SLC9A1: variants seen among roughly 807,000 people sequenced by gnomAD.
SLC9A1 encodes solute carrier family 9 member A1, also known as sodium/hydrogen exchanger 1.
Under a neutral mutation model 67.9 loss-of-function variants are expected in SLC9A1, and 22 were observed. The ratio of observed to expected loss-of-function variants is 0.32; its 90% CI spans 0.23 to 0.46. The LOEUF (loss-of-function observed/expected upper bound fraction) is 0.46, where lower values mean the gene tolerates loss of function less well. SLC9A1 is among the 20% of genes least tolerant of loss of function. The probability of loss-of-function intolerance (pLI) is 1.00; values close to 1 mark genes in which losing one functional copy is unlikely to be tolerated. For synonymous variants in SLC9A1, 421 were observed against 471.8 expected (o/e 0.89, Z 1.40); for missense variants, 686 against 1,094.8 (o/e 0.63, Z 5.27).
intron 3 of SLC9A1, 68 bp from the exon 4 acceptor site, chr1:27,107,933 A>AG: frequency 8.2e-7 from 1 of 1,221,222 alleles, no homozygotes; most frequent in Non-Finnish European, 1.2e-6. Flanking sequence ...CTCCACTGCC[A>AG]GGGGCAATGG....
At position 27,099,835 on chromosome 1, in the gene SLC9A1, C is replaced by T. The variant is rs2083126501; in HGVS notation, c.*472G>A. On this transcript the variant is annotated 3_prime_UTR_variant, in exon 12 of 12. Transcript: ENST00000263980. ...TGAGACCTTGGTGGGTCAGCAGTCC[C>T]TCCCCCAGCCATGTGCCTGGTACCC... 1 of 156,518 alleles carries T rather than the reference C, an allele frequency of 6.4e-6. No homozygotes were observed. Among genetic ancestry groups the T allele is most frequent in the East Asian group, 1.9e-4 (1 of 5,304 alleles). 9.7% of individuals were successfully genotyped at this position (156,518 alleles called of 1,614,324 possible).
intron 3 of SLC9A1, 62 bp from the exon 4 acceptor site, chr1:27,107,927 A>T: frequency 7.8e-7 from 1 of 1,282,064 alleles, no homozygotes; most frequent in African/African-American, 1.5e-5. Flanking sequence ...GAGCCCCTCC[A>T]CTGCCAGGGG....
Position 27,101,648 on chromosome 1 carries a change from T to C in SLC9A1, c.2037+77A>G, listed in dbSNP as rs2083145554. 1 of 1,038,810 alleles carries C rather than the reference T, an allele frequency of 9.6e-7. No homozygotes were observed. 64.3% of individuals were successfully genotyped at this position (1,038,810 alleles called of 1,614,324 possible). A position where few individuals can be genotyped will look rare whatever the true frequency, so the allele number is the denominator to read the frequency against. ...AGCCAAACCCTGTTCCTAGAATGGG[T>C]ACATTTCCTTAGAGGCTGTGGCGGA... is the stretch of plus-strand genomic sequence containing the variant. On this transcript the variant is annotated intron_variant, in intron 10 of 11. Coordinates refer to ENST00000263980, the MANE Select transcript of SLC9A1 (RefSeq NM_003047.5). This position sits in a 1 kb window ranked among gnomAD's most constrained non-coding sequence, Gnocchi z 4.9.
At position 27,106,719 on chromosome 1, in the gene SLC9A1, C is replaced by T. The variant is rs2083187291; in HGVS notation, c.1283-632G>A. Among the ~76,000 whole-genome samples, 1 of 152,012 alleles carries T rather than the reference C, an allele frequency of 6.6e-6. No homozygotes were observed. The highest frequency in any genetic ancestry group is 2.4e-5 in the African/African-American group (1 of 41,350). On this transcript the variant is annotated intron_variant, in intron 4 of 11. Coordinates refer to ENST00000263980, the MANE Select transcript of SLC9A1 (RefSeq NM_003047.5). The surrounding 1 kb of genome is among the most constrained non-coding windows in gnomAD (Gnocchi z 4.3). ...GAACCCATGCACCTGGGGCCTGGTC[C>T]CCACGTGTGCCCCGGCCTGCTGCAT...
chr1:27,106,036 G>A lies in SLC9A1; in HGVS notation c.1334C>T (p.Thr445Ile). 6.2e-7 allele frequency: 1 copy of A among 1,613,586 alleles called. No homozygotes were observed. The highest frequency in any genetic ancestry group is 2.2e-5 in the East Asian group (1 of 44,882). ...GGCGATGATGAACTGGTCCTTGGGG[G>A]TCAGCTTCACGATACGGAACTTGTT... ...FINKFRIVKL[T>I]PKDQFIIAYG... The change falls in exon 5 of 12, where the codon ACC becomes ATC. Residue 445 changes from threonine to isoleucine, a missense_variant. Thr to Ile is a moderately conservative substitution (Grantham distance 89). Around this residue, in one of 7 missense-constraint regions of SLC9A1, gnomAD observed 168 missense variants for 375.4 expected, o/e 0.45. Coordinates refer to ENST00000263980, the MANE Select transcript of SLC9A1 (RefSeq NM_003047.5). The surrounding 1 kb of genome is among the most constrained non-coding windows in gnomAD (Gnocchi z 4.3).
At chr1:27,145,073 GA>G (rs952148589) in intron 1 of SLC9A1, among the ~76,000 whole-genome samples, 1,645 of 96,922 alleles carry the variant, frequency 0.017, 14 homozygotes, top group African/African-American at 0.04. Flanking sequence ...AAGGAAAAAG[GA>G]AAAAAAAAAA....
intron 1 of SLC9A1, among the ~76,000 whole-genome samples, chr1:27,144,986 T>C (rs905647482): frequency 2.0e-5 from 3 of 150,864 alleles, no homozygotes; most frequent in Non-Finnish European, 4.4e-5. Flanking sequence ...GAGGCAGAAG[T>C]TGCAGTGAGC....
In SLC9A1 at chr1:27,137,347, C is replaced by A. The variant is rs2083426566; in HGVS notation, c.352+16636G>T. ...AGCTGAGCTCAATGCAGCTCTGTGG[C>A]CCTTAAGCAAGTCACTTCCGCCCTG... On this transcript the variant is annotated intron_variant, in intron 1 of 11. Coordinates refer to ENST00000263980, the MANE Select transcript of SLC9A1 (RefSeq NM_003047.5). This position sits in a 1 kb window ranked among gnomAD's most constrained non-coding sequence, Gnocchi z 4.6. Among the ~76,000 whole-genome samples, 1 of 152,214 alleles carries A rather than the reference C, an allele frequency of 6.6e-6. No homozygotes were observed. The highest frequency in any genetic ancestry group is 1.5e-5 in the Non-Finnish European group (1 of 68,034).
At chr1:27,139,997 T>A (rs1401686903) in intron 1 of SLC9A1, among the ~76,000 whole-genome samples, 2 of 152,070 alleles carry the variant, frequency 1.3e-5, no homozygotes, top group African/African-American at 4.8e-5. Flanking sequence ...TTCACCATGT[T>A]GACCAGGCTG....
intron 1 of SLC9A1, among the ~76,000 whole-genome samples, chr1:27,135,689 C>CA (rs1557430454): frequency 1.3e-5 from 2 of 151,912 alleles, no homozygotes; most frequent in Non-Finnish European, 2.9e-5. Context: ...TCACAATTGT[C>CA]AAAAAAAGGG....
intron 1 of SLC9A1, among the ~76,000 whole-genome samples, chr1:27,151,699 A>C (rs2083529387): frequency 6.6e-6 from 1 of 152,194 alleles, no homozygotes; most frequent in South Asian, 2.1e-4. Context: ...ACTGAGGCTC[A>C]GAGATGCTGC....
Position 27,102,683 on chromosome 1 carries a change from A to G in SLC9A1, c.1636T>C (p.Trp546Arg), listed in dbSNP as rs1176597793. The change falls in exon 7 of 12, where the codon TGG becomes CGG. Residue 546 changes from tryptophan to arginine, a missense_variant. Physicochemically the swap from Trp to Arg is moderately radical, Grantham distance 101 (BLOSUM62 -3). Around this residue, in one of 7 missense-constraint regions of SLC9A1, gnomAD observed 168 missense variants for 375.4 expected, o/e 0.45. Transcript: ENST00000263980. ...AGGCCTGCCACCTACTTGTCCTTCC[A>G]GTGGTGGTGACCGTAGTGGCCACAG... ...DICGHYGHHH[W>R]KDKLNRFNKK... The G allele has an allele frequency of 6.2e-7, 1 of 1,613,716 alleles. No individual in the cohort carries two copies. Among genetic ancestry groups the G allele is most frequent in the Admixed American group, 1.7e-5 (1 of 59,990 alleles).
chr1:27,111,317 C>A (rs369514786), intron 2 of SLC9A1, among the ~76,000 whole-genome samples: 1 of 152,146 alleles, frequency 6.6e-6, no homozygotes, highest in East Asian at 1.9e-4. Context: ...GCTATTACCC[C>A]TGGAACTATA....
rs1383962399 is a variant in SLC9A1, at chr1:27,137,814, G to A, written c.352+16169C>T. Among the ~76,000 whole-genome samples the A allele has an allele frequency of 6.6e-6, 1 of 152,190 alleles. No homozygotes were observed. Among genetic ancestry groups the A allele is most frequent in the Non-Finnish European group, 1.5e-5 (1 of 68,024 alleles). The stretch of plus-strand genomic sequence containing the variant: ...GGGTGGCCAGCAGGAGTCCAGCAGA[G>A]CCTGGTGCCCACTCAGCCCCTCCCT... On this transcript the variant is annotated intron_variant, in intron 1 of 11. Transcript: ENST00000263980. This position sits in a 1 kb window ranked among gnomAD's most constrained non-coding sequence, Gnocchi z 4.6.
At chr1:27,103,417 C>A in intron 5 of SLC9A1, 105 bp from the exon 6 acceptor site, 1 of 805,382 alleles carries the variant, frequency 1.2e-6, no homozygotes, top group Non-Finnish European at 2.2e-6. Flanking sequence ...GATGCCCTCT[C>A]TGCTCTGCTC....
chr1:27,127,132 C>T (rs2083350570), intron 1 of SLC9A1, among the ~76,000 whole-genome samples: 2 of 152,184 alleles, frequency 1.3e-5, no homozygotes. Flanking sequence ...CCCCATGTAA[C>T]TGGGACTACA....
At chr1:27,131,947 A>T (rs868520223) in intron 1 of SLC9A1, among the ~76,000 whole-genome samples, 1 of 52,124 alleles carries the variant, frequency 1.9e-5, no homozygotes, top group Non-Finnish European at 3.8e-5. Context: ...AGAAAAAAAA[A>T]ATATATATAT....
At chr1:27,138,859 A>C (rs2083436451) in intron 1 of SLC9A1, among the ~76,000 whole-genome samples, 1 of 152,158 alleles carries the variant, frequency 6.6e-6, no homozygotes, top group African/African-American at 2.4e-5. Context: ...CAGGGGAAAC[A>C]CCATGCTCTG....
At chr1:27,127,148 G>A (rs776901116) in intron 1 of SLC9A1, among the ~76,000 whole-genome samples, 3 of 152,200 alleles carry the variant, frequency 2.0e-5, no homozygotes, top group South Asian at 2.1e-4. Context: ...CTACAGGCGC[G>A]TGCCACCATG....
Sources: gnomAD v4.1 joint callset for allele counts (sites outside exome capture counted in the v4.1 genomes callset) on GRCh38, gnomAD v4.1.1 for gene constraint, gnomAD v4.1.1 regional missense constraint, Gnocchi (gnomAD v3.1) non-coding constraint, MANE v1.5 for transcripts, NCBI Gene and HGNC (gene_info 2026-07-23, HGNC 2026-07-21) for gene names.